ERBB4: variants seen among roughly 807,000 people sequenced by gnomAD.
ERBB4 encodes the protein erb-b2 receptor tyrosine kinase 4.
Under a neutral mutation model 158.0 loss-of-function variants are expected in ERBB4, and 42 were observed. That is an observed-to-expected ratio of 0.27 (90% CI 0.21 to 0.34). The LOEUF is 0.34. Among genes scored for constraint, ERBB4 ranks in the 10% least tolerant of loss-of-function variants. ERBB4 has a pLI of 1.00. For missense variants in ERBB4, 1,333 were observed against 1,624.1 expected, an observed-to-expected ratio of 0.82 and a Z score of 3.08; for synonymous variants, 583 against 558.7, an observed-to-expected ratio of 1.04 and a Z score of -0.61.
chr2:211,559,527 T>C (rs752223946), intron 20 of ERBB4, among the ~76,000 whole-genome samples: 1 of 152,184 alleles, frequency 6.6e-6, no homozygotes, highest in Non-Finnish European at 1.5e-5. Flanking sequence ...ATAAGTCTCT[T>C]GATCACCACA....
chr2:212,285,414 G>A (rs965797068), intron 1 of ERBB4, among the ~76,000 whole-genome samples: 1 of 149,648 alleles, frequency 6.7e-6, no homozygotes, highest in Non-Finnish European at 1.5e-5. Context: ...TGCCTGCTGT[G>A]AGTCCCTAAG....
At chr2:211,928,116 A>G (rs1323427121) in intron 3 of ERBB4, among the ~76,000 whole-genome samples, 1 of 152,132 alleles carries the variant, frequency 6.6e-6, no homozygotes, top group African/African-American at 2.4e-5. Flanking sequence ...TATTCACACA[A>G]TCCCAATAGA....
intron 2 of ERBB4, among the ~76,000 whole-genome samples, chr2:212,095,090 C>T (rs547211645): frequency 6.6e-6 from 1 of 152,174 alleles, no homozygotes; most frequent in East Asian, 1.9e-4. Flanking sequence ...CTCACAATGC[C>T]TTACACCTTA....
chr2:211,725,824 A>AAAGG (rs56406991), intron 5 of ERBB4, among the ~76,000 whole-genome samples: 32,201 of 150,332 alleles, frequency 0.21, 4,249 homozygotes, highest in Non-Finnish European at 0.3. Flanking sequence ...ACGAGGAAAG[A>AAAGG]AAGGAAGGAA....
At chr2:212,306,697 A>C (rs1435660661) in intron 1 of ERBB4, among the ~76,000 whole-genome samples, 1 of 131,704 alleles carries the variant, frequency 7.6e-6, no homozygotes, top group Non-Finnish European at 1.7e-5. Context: ...TTATACCCTA[A>C]CATTTGGTGC....
chr2:212,536,841 C>A (rs370646801), intron 1 of ERBB4, among the ~76,000 whole-genome samples: 1 of 152,176 alleles, frequency 6.6e-6, no homozygotes, highest in East Asian at 1.9e-4. Context: ...GCATGTCGGT[C>A]GCCAATGCCT....
intron 1 of ERBB4, among the ~76,000 whole-genome samples, chr2:212,378,096 G>A (rs995112037): frequency 1.3e-5 from 2 of 151,708 alleles, no homozygotes; most frequent in Non-Finnish European, 1.5e-5. Context: ...GTAATAGCAC[G>A]CATGGTGTTG....
Position 211,944,183 on chromosome 2 carries a change from A to ATAC in ERBB4, c.421+3246_421+3247insGTA, listed in dbSNP as rs1559154686. ...TATACACTATATATATATACTATATATATATATATATATATACTATATATA... is the reference window on the plus strand; with the variant it reads ...TATACACTATATATATATACTATATATACTATATATATATATATACTATATATA... On this transcript the variant is annotated intron_variant, in intron 3 of 27. Coordinates refer to ENST00000342788, the MANE Select transcript of ERBB4 (RefSeq NM_005235.3). Among the ~76,000 whole-genome samples the ATAC allele has an allele frequency of 1.6e-3, 69 of 41,946 alleles. 1 individual carries two copies. The highest frequency in any genetic ancestry group is 8.1e-3 in the Middle Eastern group (1 of 124). 27.5% of individuals were successfully genotyped at this position (41,946 alleles called of 152,430 possible).
intron 20 of ERBB4, among the ~76,000 whole-genome samples, chr2:211,441,365 G>A (rs2063971728): frequency 6.6e-6 from 1 of 152,084 alleles, no homozygotes; most frequent in African/African-American, 2.4e-5. Flanking sequence ...ATTGTCCTGG[G>A]AGAGTCTGCT....
At chr2:211,599,948 G>T (rs1345175632) in intron 19 of ERBB4, among the ~76,000 whole-genome samples, 2 of 152,034 alleles carry the variant, frequency 1.3e-5, no homozygotes, top group Non-Finnish European at 2.9e-5. Context: ...CTCAATATGG[G>T]TGCTTCTTGT....
chr2:211,995,292 T>C (rs1200700561), intron 2 of ERBB4, among the ~76,000 whole-genome samples: 1 of 152,228 alleles, frequency 6.6e-6, no homozygotes, highest in Non-Finnish European at 1.5e-5. Context: ...CCTGGCTAAT[T>C]TGAAAAATAC....
intron 3 of ERBB4, among the ~76,000 whole-genome samples, chr2:211,903,054 T>G (rs879266560): frequency 3.3e-5 from 5 of 152,006 alleles, no homozygotes; most frequent in Non-Finnish European, 7.4e-5. Context: ...ATAGCTCTTC[T>G]ATTGCATTTT....
At chr2:211,732,113 G>A (rs569309955) in intron 5 of ERBB4, among the ~76,000 whole-genome samples, 1 of 151,938 alleles carries the variant, frequency 6.6e-6, no homozygotes, top group African/African-American at 2.4e-5. Flanking sequence ...CTAATGAAAG[G>A]TTCCCATAGA....
At chr2:211,973,420 C>T (rs2081513055) in intron 2 of ERBB4, among the ~76,000 whole-genome samples, 1 of 152,098 alleles carries the variant, frequency 6.6e-6, no homozygotes, top group Non-Finnish European at 1.5e-5. Flanking sequence ...TCAGGATGGT[C>T]TCATTCTCCT....
At chr2:211,678,003 T>C (rs7579224) in intron 13 of ERBB4, among the ~76,000 whole-genome samples, 68,867 of 151,884 alleles carry the variant, frequency 0.45, 16,474 homozygotes, top group African/African-American at 0.55. Flanking sequence ...ACAAGAATGA[T>C]GCATCAAATA....
chr2:211,961,192 A>G (rs1400816454), intron 2 of ERBB4, among the ~76,000 whole-genome samples: 1 of 151,516 alleles, frequency 6.6e-6, no homozygotes, highest in East Asian at 1.9e-4. Context: ...AAATGATGGG[A>G]GACAGTTCTG....
chr2:212,152,606 C>A (rs1272355277), intron 1 of ERBB4, among the ~76,000 whole-genome samples: 1 of 152,154 alleles, frequency 6.6e-6, no homozygotes, highest in African/African-American at 2.4e-5. Context: ...CACTGACTTT[C>A]ATTACTTTCT....
intron 1 of ERBB4, among the ~76,000 whole-genome samples, chr2:212,177,937 T>C (rs2081725617): frequency 1.5e-5 from 2 of 129,192 alleles, no homozygotes; most frequent in East Asian, 2.0e-4. Flanking sequence ...GCAAAGAGTG[T>C]TTGTGAGTGT....
chr2:212,288,033 C>G (rs1445008566), intron 1 of ERBB4, among the ~76,000 whole-genome samples: 1 of 152,048 alleles, frequency 6.6e-6, no homozygotes, highest in Non-Finnish European at 1.5e-5. Flanking sequence ...AACAAACCTA[C>G]ACTTGTACCC....
Sources: gnomAD v4.1 joint callset for allele counts (sites outside exome capture counted in the v4.1 genomes callset) on GRCh38, gnomAD v4.1.1 for gene constraint, MANE v1.5 for transcripts, NCBI Gene and HGNC (gene_info 2026-07-23, HGNC 2026-07-21) for gene names.